MTCL2: variants seen among roughly 807,000 people sequenced by gnomAD.
The protein encoded by MTCL2 is microtubule crosslinking factor 2, also known as microtubule cross-linking factor 2.
At chr20:36,792,845 TAG>T in the MTCL2 span, among the ~76,000 whole-genome samples, 354 of 145,668 alleles carry the variant, frequency 2.4e-3, 3 homozygotes, top group African/African-American at 9.0e-3. Flanking sequence ...TATAGATAGA[TAG>T]ATAGATAGAT....
the MTCL2 span, chr20:36,805,974 A>T: frequency 6.3e-7 from 1 of 1,593,296 alleles, no homozygotes; most frequent in Middle Eastern, 1.7e-4. Flanking sequence ...TTTAAAAACC[A>T]TGCTTAACAG....
the MTCL2 span, chr20:36,781,016 C>A: frequency 6.6e-6 from 1 of 152,180 alleles, no homozygotes; most frequent in Non-Finnish European, 1.5e-5. Flanking sequence ...AAGAGTAAAA[C>A]TTAATTGCAT....
At chr20:36,850,371 CA>C in the MTCL2 span, among the ~76,000 whole-genome samples, 1 of 151,982 alleles carries the variant, frequency 6.6e-6, no homozygotes, top group East Asian at 1.9e-4. Flanking sequence ...TATAAAAATA[CA>C]AAAAATTAGC....
At chr20:36,859,093 A>T in the MTCL2 span, among the ~76,000 whole-genome samples, 4 of 152,180 alleles carry the variant, frequency 2.6e-5, no homozygotes, top group African/African-American at 7.2e-5. Flanking sequence ...GCCAGGCCCC[A>T]TCACCTTTAT....
the MTCL2 span, chr20:36,817,444 C>A: frequency 6.3e-7 from 1 of 1,584,396 alleles, no homozygotes; most frequent in Non-Finnish European, 8.6e-7. Context: ...CCCCAGGGAG[C>A]GGGTTCCTCT....
chr20:36,793,887 G>T, the MTCL2 span: 1 of 1,550,436 alleles, frequency 6.4e-7, no homozygotes, highest in Non-Finnish European at 8.7e-7. This position sits in a 1 kb window ranked among gnomAD's most constrained non-coding sequence, Gnocchi z 6.8. Flanking sequence ...TTGCCATGGA[G>T]GCTGCTGCGG....
chr20:36,794,012 C>G, the MTCL2 span: 6 of 1,551,604 alleles, frequency 3.9e-6, no homozygotes, highest in Non-Finnish European at 5.2e-6. The surrounding 1 kb of genome is among the most constrained non-coding windows in gnomAD (Gnocchi z 5.4). Flanking sequence ...TGAGCCGGAG[C>G]GCATGGCCTG....
At chr20:36,861,050 A>T in the MTCL2 span, among the ~76,000 whole-genome samples, 2 of 152,166 alleles carry the variant, frequency 1.3e-5, no homozygotes. Flanking sequence ...AGGAGCCCTG[A>T]AGCAAAGCTC....
the MTCL2 span, chr20:36,796,875 C>T: frequency 1.2e-6 from 2 of 1,613,762 alleles, no homozygotes; most frequent in Admixed American, 1.7e-5. Context: ...GACCAGCATG[C>T]AAGCACCTCT....
the MTCL2 span, among the ~76,000 whole-genome samples, chr20:36,859,380 C>A: frequency 6.6e-6 from 1 of 152,202 alleles, no homozygotes; most frequent in African/African-American, 2.4e-5. Context: ...AATCCTGGCA[C>A]CTCAGTAGTT....
At chr20:36,825,110 T>C in the MTCL2 span, among the ~76,000 whole-genome samples, 20 of 151,988 alleles carry the variant, frequency 1.3e-4, no homozygotes, top group African/African-American at 4.1e-4. Context: ...ACTTGGCTAA[T>C]TTTTGTATTT....
the MTCL2 span, chr20:36,815,877 T>C: frequency 6.2e-7 from 1 of 1,608,836 alleles, no homozygotes; most frequent in South Asian, 1.1e-5. The surrounding 1 kb of genome is among the most constrained non-coding windows in gnomAD (Gnocchi z 5.3). Flanking sequence ...CAGCTCGGCC[T>C]CCTCTTCGAC....
chr20:36,831,095 G>GGCT, the MTCL2 span, among the ~76,000 whole-genome samples: 1 of 152,202 alleles, frequency 6.6e-6, no homozygotes, highest in Non-Finnish European at 1.5e-5. Context: ...GTCCCCTGCT[G>GGCT]GCTGGTTGAG....
chr20:36,857,201 A>T, the MTCL2 span, among the ~76,000 whole-genome samples: 2 of 151,732 alleles, frequency 1.3e-5, no homozygotes, highest in African/African-American at 4.9e-5. Flanking sequence ...GATAAGTCTG[A>T]GTGTGTCTGC....
At chr20:36,810,121 A>G in the MTCL2 span, 1 of 1,584,856 alleles carries the variant, frequency 6.3e-7, no homozygotes, top group Non-Finnish European at 8.6e-7. Flanking sequence ...TGGTACAGAC[A>G]GGGGACACAG....
At chr20:36,817,128 G>A in the MTCL2 span, among the ~76,000 whole-genome samples, 2 of 151,962 alleles carry the variant, frequency 1.3e-5, no homozygotes, top group Non-Finnish European at 2.9e-5. Flanking sequence ...TTAGCCAGGT[G>A]TGGTGGTGCA....
At chr20:36,862,835 CG>C in the MTCL2 span, 2 of 1,304,608 alleles carry the variant, frequency 1.5e-6, no homozygotes, top group Non-Finnish European at 9.7e-7. Flanking sequence ...CGGGCGGCCG[CG>C]GGGGCTGCTG....
the MTCL2 span, chr20:36,812,727 C>T: frequency 1.9e-6 from 3 of 1,613,920 alleles, no homozygotes; most frequent in Non-Finnish European, 2.5e-6. Context: ...GAATCATTGT[C>T]TTCAGCTCGG....
At chr20:36,842,759 G>A in the MTCL2 span, among the ~76,000 whole-genome samples, 3 of 152,204 alleles carry the variant, frequency 2.0e-5, no homozygotes, top group East Asian at 1.9e-4. Flanking sequence ...GCAGCAGAGC[G>A]AGCCTCTGTC....
Sources: allele counts gnomAD v4.1 joint callset (sites outside exome capture counted in the v4.1 genomes callset), GRCh38; gene constraint gnomAD v4.1.1; non-coding constraint Gnocchi (gnomAD v3.1); transcripts MANE v1.5; gene names NCBI Gene and HGNC (gene_info 2026-07-23, HGNC 2026-07-21).